STXBP4: variants seen among roughly 807,000 people sequenced by gnomAD.
The protein encoded by STXBP4 is syntaxin-binding protein 4.
STXBP4 carries 55 observed loss-of-function variants against 76.1 expected under a neutral mutation model. The ratio of observed to expected loss-of-function variants is 0.72; its 90% confidence interval spans 0.58 to 0.91. STXBP4 has a LOEUF of 0.91. Ranked by LOEUF, STXBP4 falls within the 40% of genes least tolerant of loss-of-function variation. The pLI is 0.00. For missense variants in STXBP4, 618 were observed against 636.9 expected (o/e 0.97, Z 0.32); for synonymous variants, 201 against 220.2 (o/e 0.91, Z 0.77).
At chr17:55,047,478 T>C (rs2078805965) in intron 12 of STXBP4, among the ~76,000 whole-genome samples, 2 of 151,904 alleles carry the variant, frequency 1.3e-5, no homozygotes, top group African/African-American at 4.8e-5. Flanking sequence ...TTTCCCCTTT[T>C]TTCTTTTTCT....
At chr17:55,141,214 C>T in intron 16 of STXBP4, 96 bp from the exon 17 acceptor site, 3 of 1,000,462 alleles carry the variant, frequency 3.0e-6, no homozygotes, top group Non-Finnish European at 4.5e-6. Flanking sequence ...AAGAAATGTG[C>T]TCAAATAATT....
At chr17:55,066,749 C>G (rs1363635857) in intron 12 of STXBP4, among the ~76,000 whole-genome samples, 1 of 152,022 alleles carries the variant, frequency 6.6e-6, no homozygotes, top group Non-Finnish European at 1.5e-5. Flanking sequence ...GTGGCTCACA[C>G]CTGTAATCCC....
At chr17:55,038,391 G>A (rs1297967684) in intron 10 of STXBP4, among the ~76,000 whole-genome samples, 1 of 151,912 alleles carries the variant, frequency 6.6e-6, no homozygotes, top group Non-Finnish European at 1.5e-5. Flanking sequence ...ATAATAAATA[G>A]AATTATAGAA....
chr17:55,089,060 A>G (rs1339860059), intron 16 of STXBP4, among the ~76,000 whole-genome samples: 1 of 152,196 alleles, frequency 6.6e-6, no homozygotes, highest in Non-Finnish European at 1.5e-5. Context: ...CAAATTGCTT[A>G]ATTTCTAGGT....
At chr17:55,026,985 TTTTAGCTAGCTGAAA>T (rs1302961572) in intron 8 of STXBP4, among the ~76,000 whole-genome samples, 5 of 152,126 alleles carry the variant, frequency 3.3e-5, no homozygotes, top group Non-Finnish European at 7.4e-5. Context: ...GCAGTTTTGA[TTTTAGCTAGCTGAAA>T]TTTAGCTAGC....
At chr17:55,134,256 G>A (rs2080003586) in intron 16 of STXBP4, among the ~76,000 whole-genome samples, 1 of 151,804 alleles carries the variant, frequency 6.6e-6, no homozygotes, top group Non-Finnish European at 1.5e-5. Flanking sequence ...AAGAAGCAAG[G>A]TCATCAGCTA....
At chr17:55,045,671 A>G (rs1271160045) in intron 11 of STXBP4, among the ~76,000 whole-genome samples, 1 of 152,116 alleles carries the variant, frequency 6.6e-6, no homozygotes, top group Non-Finnish European at 1.5e-5. Flanking sequence ...CCCTGATATG[A>G]CAAAACCTAA....
chr17:54,978,503 G>T (rs2077502235), intron 1 of STXBP4, among the ~76,000 whole-genome samples: 1 of 152,130 alleles, frequency 6.6e-6, no homozygotes, highest in Non-Finnish European at 1.5e-5. Context: ...GAATTTCTTT[G>T]TGAAACACCA....
intron 16 of STXBP4, among the ~76,000 whole-genome samples, chr17:55,139,083 A>G (rs1438525584): frequency 2.0e-5 from 3 of 152,150 alleles, no homozygotes; most frequent in East Asian, 1.9e-4. Context: ...GGATATCTTT[A>G]TGGCTGCAGT....
intron 13 of STXBP4, among the ~76,000 whole-genome samples, chr17:55,074,492 G>C (rs996652878): frequency 2.6e-5 from 4 of 152,092 alleles, no homozygotes; most frequent in Non-Finnish European, 5.9e-5. Flanking sequence ...AATATTTTGA[G>C]ATTTATCACA....
rs1598245441 is a variant in STXBP4, at chr17:55,036,991, A to T, written c.855+2732A>T. ...CATGTCACTTTTTTTAATGTTTCAA[A>T]TCACTTTGTTCTCTTTTGTAAGCAA... On this transcript the variant is annotated intron_variant, in intron 10 of 17. Transcript: ENST00000376352. 2.0e-5 allele frequency among the ~76,000 whole-genome samples: 3 copies of T among 152,062 alleles called. No individual in the cohort carries two copies. In the South Asian group the frequency reaches 6.2e-4, roughly 32 times the overall value.
the STXBP4 span, among the ~76,000 whole-genome samples, chr17:55,182,887 T>G: frequency 2.6e-5 from 4 of 152,100 alleles, no homozygotes; most frequent in Non-Finnish European, 5.9e-5. Context: ...TGAAAACTTT[T>G]TTAGACAACA....
chr17:55,041,174 C>A (rs2078692659), intron 10 of STXBP4, among the ~76,000 whole-genome samples: 1 of 151,776 alleles, frequency 6.6e-6, no homozygotes, highest in Admixed American at 6.6e-5. Flanking sequence ...AAATCCCAAT[C>A]CTAGTTTCTC....
rs948229790 is a variant in STXBP4 at position 55,165,212 on chromosome 17, A to T, written c.*5301A>T. ...TTAGGTCAAAGATTTGAGAGCACATATGATGAGGAAGATGAGGCTTTCTTA... is the reference window on the plus strand; with the variant it reads ...TTAGGTCAAAGATTTGAGAGCACATTTGATGAGGAAGATGAGGCTTTCTTA... On this transcript the variant is annotated 3_prime_UTR_variant, in exon 18 of 18. Coordinates refer to ENST00000376352, the MANE Select transcript of STXBP4 (RefSeq NM_178509.6). 1.3e-5 allele frequency: 2 copies of T among 152,218 alleles called. No homozygotes were observed. Among genetic ancestry groups the T allele is most frequent in the African/African-American group, 4.8e-5 (2 of 41,452 alleles). 9.4% of individuals were successfully genotyped at this position (152,218 alleles called of 1,614,324 possible).
intron 4 of STXBP4, among the ~76,000 whole-genome samples, chr17:54,997,298 T>C (rs2077819037): frequency 6.6e-6 from 1 of 151,992 alleles, no homozygotes; most frequent in Non-Finnish European, 1.5e-5. Flanking sequence ...AGAAAAAATA[T>C]GTAAACACCA....
chr17:54,998,274 C>T (rs180855016), intron 4 of STXBP4, among the ~76,000 whole-genome samples: 1 of 152,182 alleles, frequency 6.6e-6, no homozygotes, highest in Admixed American at 6.5e-5. Flanking sequence ...ACTTAAGTAC[C>T]ATCAAGGTGA....
intron 16 of STXBP4, among the ~76,000 whole-genome samples, chr17:55,103,727 A>G (rs1362493123): frequency 2.0e-5 from 3 of 152,126 alleles, no homozygotes; most frequent in Non-Finnish European, 4.4e-5. Flanking sequence ...TTTGTGCAGT[A>G]TGGCCATTTT....
At chr17:55,028,027 G>A (rs909281584) in intron 8 of STXBP4, among the ~76,000 whole-genome samples, 2 of 151,790 alleles carry the variant, frequency 1.3e-5, no homozygotes, top group Non-Finnish European at 2.9e-5. Context: ...AGTTCAAAAG[G>A]GGTTTTTATA....
the STXBP4 span, among the ~76,000 whole-genome samples, chr17:55,191,386 C>T: frequency 2.6e-4 from 39 of 152,200 alleles, no homozygotes; most frequent in African/African-American, 7.9e-4. Context: ...CTGGAGAAAA[C>T]GCATTCTTCC....
Sources: gnomAD v4.1 joint callset for allele counts (sites outside exome capture counted in the v4.1 genomes callset) on GRCh38, gnomAD v4.1.1 for gene constraint, MANE v1.5 for transcripts, NCBI Gene and HGNC (gene_info 2026-07-23, HGNC 2026-07-21) for gene names.